RBFOX3: variants seen among roughly 807,000 people sequenced by gnomAD.
The protein encoded by RBFOX3 is RNA binding fox-1 homolog 3.
RBFOX3 carries 17 observed loss-of-function variants against 48.7 expected under a neutral mutation model. The observed-to-expected ratio is 0.35, with a 90% confidence interval of 0.24 to 0.52. The LOEUF (loss-of-function observed/expected upper bound fraction) is 0.52, where lower values mean the gene tolerates loss of function less well. Among genes scored for constraint, RBFOX3 ranks in the 20% least tolerant of loss-of-function variants. RBFOX3 has a pLI of 0.94. For missense variants in RBFOX3, 382 were observed against 497.5 expected, an observed-to-expected ratio of 0.77 and a Z score of 2.21; for synonymous variants, 212 against 209.5, an observed-to-expected ratio of 1.01 and a Z score of -0.10.
intron 2 of RBFOX3, among the ~76,000 whole-genome samples, chr17:79,332,911 G>A (rs746290425): frequency 3.4e-5 from 4 of 117,314 alleles, no homozygotes; most frequent in Non-Finnish European, 6.9e-5. Context: ...GACAGAGAGA[G>A]ACAGAGGCAG....
At chr17:79,332,844 T>A (rs1447790673) in intron 2 of RBFOX3, among the ~76,000 whole-genome samples, 3 of 112,416 alleles carry the variant, frequency 2.7e-5, no homozygotes, top group East Asian at 2.6e-4. Context: ...GAGAGAGAGA[T>A]GGGGTGGGGG....
At chr17:79,318,637 G>A (rs996601344) in intron 2 of RBFOX3, among the ~76,000 whole-genome samples, 2 of 151,922 alleles carry the variant, frequency 1.3e-5, no homozygotes, top group East Asian at 3.9e-4. Flanking sequence ...GGTGGATCAC[G>A]AGGTCAGGAG....
At chr17:79,397,786 T>C (rs1027509399) in intron 2 of RBFOX3, among the ~76,000 whole-genome samples, 1 of 152,122 alleles carries the variant, frequency 6.6e-6, no homozygotes, top group African/African-American at 2.4e-5. Context: ...CCCTCTGTTT[T>C]TCTGGATACC....
intron 2 of RBFOX3, among the ~76,000 whole-genome samples, chr17:79,357,766 TAAA>T (rs946512091): frequency 6.6e-6 from 1 of 151,588 alleles, no homozygotes; most frequent in African/African-American, 2.4e-5. Flanking sequence ...GTTGAATTTG[TAAA>T]AAGACAGAGA....
intron 3 of RBFOX3, among the ~76,000 whole-genome samples, chr17:79,296,846 CCCTCCTCCT>C (rs1251686563): frequency 6.2e-5 from 8 of 129,346 alleles, no homozygotes; most frequent in Non-Finnish European, 1.0e-4. Flanking sequence ...CCCCTCCTCC[CCCTCCTCCT>C]GCTTCTCCTC....
At chr17:79,157,957 G>A (rs1056210442) in intron 4 of RBFOX3, among the ~76,000 whole-genome samples, 1 of 152,188 alleles carries the variant, frequency 6.6e-6, no homozygotes, top group Non-Finnish European at 1.5e-5. Flanking sequence ...TGTATCACCC[G>A]CTCCAACTCC....
At chr17:79,569,981 GGTA>G (rs2092608315) in intron 1 of RBFOX3, among the ~76,000 whole-genome samples, 3 of 112,362 alleles carry the variant, frequency 2.7e-5, no homozygotes, top group South Asian at 7.5e-4. Context: ...ATAGATGGAT[GGTA>G]GATGGATGGA....
Position 79,261,893 on chromosome 17 carries a change from G to A in RBFOX3, c.-73-26088C>T, listed in dbSNP as rs528039726. Among the ~76,000 whole-genome samples the A allele has an allele frequency of 3.9e-5, 6 of 152,292 alleles. 1 individual carries two copies. The South Asian group carries it at 1.0e-3, about 26-fold the overall frequency. ...GGGAGGACTTCAGGTGCTCACGGCC[G>A]GCCCCGCGGAATTGTGGGTTTGCCT... On this transcript the variant is annotated intron_variant, in intron 3 of 14. Coordinates refer to ENST00000693108, the MANE Select transcript of RBFOX3 (RefSeq NM_001350451.2).
At chr17:79,412,570 ATG>A (rs940886654) in intron 2 of RBFOX3, among the ~76,000 whole-genome samples, 23 of 137,960 alleles carry the variant, frequency 1.7e-4, no homozygotes, top group African/African-American at 6.0e-4. Context: ...GCTGTGTGGT[ATG>A]TGTGTGTATG....
At chr17:79,174,352 C>T (rs910916527) in intron 4 of RBFOX3, among the ~76,000 whole-genome samples, 6 of 148,752 alleles carry the variant, frequency 4.0e-5, no homozygotes, top group African/African-American at 7.4e-5. Flanking sequence ...TGCAGCCACA[C>T]GTGCACACAG....
intron 2 of RBFOX3, among the ~76,000 whole-genome samples, chr17:79,334,828 G>A (rs1031024014): frequency 1.3e-5 from 2 of 152,242 alleles, no homozygotes; most frequent in East Asian, 3.8e-4. Flanking sequence ...ACCACATCGA[G>A]CTGTGCCTGT....
rs149437899 is a variant in RBFOX3 at position 79,150,534 on chromosome 17, C to T, written c.-33-34786G>A. Among the ~76,000 whole-genome samples the T allele has an allele frequency of 1.2e-3, 186 of 152,300 alleles. 1 individual carries two copies. Among genetic ancestry groups the T allele is most frequent in the African/African-American group, 4.4e-3 (182 of 41,564 alleles). On this transcript the variant is annotated intron_variant, in intron 4 of 14. Coordinates refer to ENST00000693108, the MANE Select transcript of RBFOX3 (RefSeq NM_001350451.2). ...GGCAGCTGAACTGCCGGACACTCTA[C>T]AGGTGGCCGCGCTGGCTCAACTTCT...
intron 2 of RBFOX3, among the ~76,000 whole-genome samples, chr17:79,412,421 A>G (rs2064547272): frequency 6.8e-6 from 1 of 147,654 alleles, no homozygotes; most frequent in Non-Finnish European, 1.5e-5. Flanking sequence ...AATGTGTGTG[A>G]GGTGTATACA....
intron 2 of RBFOX3, among the ~76,000 whole-genome samples, chr17:79,439,016 G>A (rs782481119): frequency 1.3e-5 from 2 of 152,212 alleles, no homozygotes; most frequent in South Asian, 4.1e-4. Flanking sequence ...CAGCTCCCAA[G>A]ATTTTAATTT....
At chr17:79,516,571 G>A (rs1394430528) in intron 1 of RBFOX3, among the ~76,000 whole-genome samples, 3 of 152,258 alleles carry the variant, frequency 2.0e-5, no homozygotes, top group African/African-American at 7.2e-5. Context: ...ATCCCCAGAG[G>A]AGGTCCTGGG....
At chr17:79,141,383 C>G (rs1021572811) in intron 4 of RBFOX3, among the ~76,000 whole-genome samples, 1 of 152,216 alleles carries the variant, frequency 6.6e-6, no homozygotes, top group Non-Finnish European at 1.5e-5. Flanking sequence ...AGAGTTCACA[C>G]AGGCAGAAGG....
intron 14 of RBFOX3, among the ~76,000 whole-genome samples, chr17:79,093,445 A>C (rs974192734): frequency 6.6e-6 from 1 of 151,924 alleles, no homozygotes; most frequent in Non-Finnish European, 1.5e-5. Flanking sequence ...CCCAAGAGCC[A>C]GGGTATCACA....
chr17:79,602,395 C>CA (rs2093724844), intron 1 of RBFOX3, among the ~76,000 whole-genome samples: 1 of 152,196 alleles, frequency 6.6e-6, no homozygotes, highest in Non-Finnish European at 1.5e-5. Flanking sequence ...GCTAAGATTC[C>CA]AAAATACTTG....
chr17:79,193,113 C>G (rs186167707), intron 4 of RBFOX3, among the ~76,000 whole-genome samples: 176 of 152,364 alleles, frequency 1.2e-3, no homozygotes, highest in Non-Finnish European at 3.7e-4. Context: ...CCTGGGTGTT[C>G]ACTTGCTCGG....
Sources: gnomAD v4.1 joint callset for allele counts (sites outside exome capture counted in the v4.1 genomes callset) on GRCh38, gnomAD v4.1.1 for gene constraint, MANE v1.5 for transcripts, NCBI Gene and HGNC (gene_info 2026-07-23, HGNC 2026-07-21) for gene names.